SLC2A12: variants seen among roughly 807,000 people sequenced by gnomAD.
The protein encoded by SLC2A12 is solute carrier family 2, facilitated glucose transporter member 12.
A neutral mutation model predicts 41.8 loss-of-function variants in SLC2A12; 23 were observed. The observed-to-expected ratio is 0.55, with a 90% CI of 0.40 to 0.78. The LOEUF (loss-of-function observed/expected upper bound fraction) is 0.78, where lower values mean the gene tolerates loss of function less well. Ranked by LOEUF, SLC2A12 falls within the 30% of genes least tolerant of loss-of-function variation. SLC2A12 has a pLI of 0.00. For synonymous variants in SLC2A12, 295 were observed against 285.9 expected (o/e 1.03, Z -0.32); for missense variants, 654 against 745.6 (o/e 0.88, Z 1.43).
At chr6:134,035,634 G>T (rs773961757) in intron 1 of SLC2A12, among the ~76,000 whole-genome samples, 7 of 152,056 alleles carry the variant, frequency 4.6e-5, no homozygotes, top group Admixed American at 2.6e-4. Flanking sequence ...AACTAAATTT[G>T]TTATGCTTTT....
At chr6:134,000,806 A>C (rs949046380) in intron 4 of SLC2A12, among the ~76,000 whole-genome samples, 3 of 152,248 alleles carry the variant, frequency 2.0e-5, no homozygotes, top group African/African-American at 7.2e-5. Context: ...AATTTTTTAA[A>C]CCAGTTTTCT....
At chr6:134,014,643 CAGT>C (rs1389094923) in intron 2 of SLC2A12, among the ~76,000 whole-genome samples, 5 of 152,166 alleles carry the variant, frequency 3.3e-5, no homozygotes, top group African/African-American at 1.2e-4. Context: ...TCATGGAAAA[CAGT>C]AAAGTAACAC....
At chr6:134,002,509 T>C (rs229912) in intron 3 of SLC2A12, among the ~76,000 whole-genome samples, 67,963 of 151,914 alleles carry the variant, frequency 0.45, 15,416 homozygotes, top group African/African-American at 0.52. Flanking sequence ...CTCTTCTCCC[T>C]CTCCACAGTT....
chr6:134,031,143 G>A (rs1777200690), intron 1 of SLC2A12, among the ~76,000 whole-genome samples: 1 of 152,312 alleles, frequency 6.6e-6, no homozygotes, highest in African/African-American at 2.4e-5. Context: ...TGTAATCCCA[G>A]CACTTTGGGA....
At chr6:134,005,147 T>C (rs1002559) in intron 3 of SLC2A12, among the ~76,000 whole-genome samples, 24,346 of 152,212 alleles carry the variant, frequency 0.16, 2,100 homozygotes, top group Admixed American at 0.19. Context: ...TCTGATTTGA[T>C]CCCTAATATT....
At chr6:134,043,229 G>A (rs1255241212) in intron 1 of SLC2A12, among the ~76,000 whole-genome samples, 5 of 152,100 alleles carry the variant, frequency 3.3e-5, no homozygotes, top group South Asian at 4.1e-4. Flanking sequence ...CCAGTTGCTG[G>A]AAGTGGAGGG....
intron 1 of SLC2A12, among the ~76,000 whole-genome samples, chr6:134,041,545 T>C (rs1470395942): frequency 6.6e-6 from 1 of 151,564 alleles, no homozygotes; most frequent in African/African-American, 2.4e-5. Flanking sequence ...GGGGATGGGA[T>C]TGGAAGAATC....
At chr6:134,029,786 G>T in intron 1 of SLC2A12, 65 bp from the exon 2 acceptor site, 1 of 1,515,006 alleles carries the variant, frequency 6.6e-7, no homozygotes, top group South Asian at 1.3e-5. Context: ...TTTTGTATTT[G>T]AGCGGAGATT....
chr6:134,051,324 T>C (rs941589550), intron 1 of SLC2A12, among the ~76,000 whole-genome samples: 4 of 152,168 alleles, frequency 2.6e-5, no homozygotes, highest in Non-Finnish European at 5.9e-5. Context: ...TGCCTCGATG[T>C]TAGGGGTCAC....
At chr6:133,994,825 G>A (rs1776667163) in intron 4 of SLC2A12, among the ~76,000 whole-genome samples, 2 of 152,338 alleles carry the variant, frequency 1.3e-5, no homozygotes, top group Middle Eastern at 3.4e-3. Flanking sequence ...CCAACTTTAA[G>A]AGAGGAAGCA....
chr6:134,022,466 G>C (rs898823150), intron 2 of SLC2A12, among the ~76,000 whole-genome samples: 1 of 151,584 alleles, frequency 6.6e-6, no homozygotes, highest in Non-Finnish European at 1.5e-5. Flanking sequence ...GGGAGGCAGA[G>C]GTTGCAGTGA....
At chr6:134,019,928 G>A (rs1488236483) in intron 2 of SLC2A12, among the ~76,000 whole-genome samples, 1 of 151,926 alleles carries the variant, frequency 6.6e-6, no homozygotes, top group South Asian at 2.1e-4. Flanking sequence ...AGGAGGCTGA[G>A]GCAGGAGAAT....
At chr6:134,010,916 A>C (rs1041397369) in intron 2 of SLC2A12, among the ~76,000 whole-genome samples, 22 of 152,142 alleles carry the variant, frequency 1.4e-4, no homozygotes, top group South Asian at 4.1e-4. Context: ...TTTTTCCCAC[A>C]GAAACTGTCA....
intron 4 of SLC2A12, 104 bp downstream of exon 4, chr6:134,001,893 T>C: frequency 8.1e-7 from 1 of 1,236,708 alleles, no homozygotes; most frequent in African/African-American, 1.6e-5. Context: ...AATGTCCTAA[T>C]CTAATAATAT....
intron 1 of SLC2A12, among the ~76,000 whole-genome samples, chr6:134,045,081 G>T (rs1412025214): frequency 6.6e-6 from 1 of 152,182 alleles, no homozygotes; most frequent in Non-Finnish European, 1.5e-5. Context: ...AAAAAGGCAT[G>T]ATTCCTACCT....
chr6:134,007,642 A>G (rs1411462514), intron 2 of SLC2A12, among the ~76,000 whole-genome samples: 1 of 152,196 alleles, frequency 6.6e-6, no homozygotes, highest in Admixed American at 6.5e-5. Context: ...GGCTTGCCTG[A>G]TGGGATCAGA....
At chr6:134,037,084 G>T (rs73776503) in intron 1 of SLC2A12, among the ~76,000 whole-genome samples, 1 of 151,144 alleles carries the variant, frequency 6.6e-6, no homozygotes, top group Non-Finnish European at 1.5e-5. Context: ...TGAGACTCAG[G>T]CTATTCCCTT....
At chr6:134,001,042 C>G (rs1382534824) in intron 4 of SLC2A12, among the ~76,000 whole-genome samples, 1 of 151,956 alleles carries the variant, frequency 6.6e-6, no homozygotes, top group Non-Finnish European at 1.5e-5. Context: ...CGGGACCCAC[C>G]CCAAACCCCA....
intron 4 of SLC2A12, among the ~76,000 whole-genome samples, chr6:134,001,019 A>G (rs1269249146): frequency 6.6e-6 from 1 of 152,132 alleles, no homozygotes. Context: ...TGAACATGGT[A>G]TATCTACACT....
Sources: gnomAD v4.1 joint callset for allele counts (sites outside exome capture counted in the v4.1 genomes callset) on GRCh38, gnomAD v4.1.1 for gene constraint, MANE v1.5 for transcripts, NCBI Gene and HGNC (gene_info 2026-07-23, HGNC 2026-07-21) for gene names.